Variants in MARCHF3 observed in about 807,000 individuals in gnomAD.
MARCHF3 encodes the protein E3 ubiquitin-protein ligase MARCHF3.
MARCHF3 carries 13 observed loss-of-function variants against 24.2 expected under a neutral mutation model. That is an observed-to-expected ratio of 0.54 (90% CI 0.35 to 0.85). The LOEUF is 0.85. Among genes scored for constraint, MARCHF3 ranks in the 40% least tolerant of loss-of-function variants. MARCHF3 has a pLI of 0.01. For missense variants in MARCHF3, 276 were observed against 325.0 expected, an observed-to-expected ratio of 0.85 and a Z score of 1.16; for synonymous variants, 144 against 137.3, an observed-to-expected ratio of 1.05 and a Z score of -0.34.
At chr5:126,874,757 T>C (rs1561772507) in intron 4 of MARCHF3, among the ~76,000 whole-genome samples, 1 of 152,122 alleles carries the variant, frequency 6.6e-6, no homozygotes, top group Non-Finnish European at 1.5e-5. Flanking sequence ...CTGACTGCAC[T>C]GGGGAAAAGG....
At chr5:126,930,299 T>G (rs574481050) in intron 1 of MARCHF3, among the ~76,000 whole-genome samples, 9 of 152,348 alleles carry the variant, frequency 5.9e-5, no homozygotes, top group African/African-American at 2.2e-4. Flanking sequence ...GATACAATCT[T>G]TCCTTAGGTC....
At chr5:126,975,349 TTC>T (rs936219277) in intron 1 of MARCHF3, among the ~76,000 whole-genome samples, 6 of 152,362 alleles carry the variant, frequency 3.9e-5, no homozygotes, top group African/African-American at 1.2e-4. Flanking sequence ...TTAAGTTTTC[TTC>T]TCTTTTTAAT....
intron 1 of MARCHF3, among the ~76,000 whole-genome samples, chr5:126,937,626 A>T (rs1360068132): frequency 6.6e-6 from 1 of 152,206 alleles, no homozygotes; most frequent in Non-Finnish European, 1.5e-5. Context: ...TAGCACCATA[A>T]GTTAGTGGAA....
intron 3 of MARCHF3, among the ~76,000 whole-genome samples, chr5:126,911,611 C>A (rs539766774): frequency 2.7e-4 from 41 of 152,266 alleles, no homozygotes; most frequent in African/African-American, 9.4e-4. Flanking sequence ...TAGATGATTG[C>A]AATGTAGTGC....
intron 3 of MARCHF3, among the ~76,000 whole-genome samples, chr5:126,882,728 C>A (rs1281150897): frequency 6.6e-6 from 1 of 152,158 alleles, no homozygotes; most frequent in Non-Finnish European, 1.5e-5. Context: ...ATATCAGGCA[C>A]CTCATGCTAA....
intron 3 of MARCHF3, among the ~76,000 whole-genome samples, chr5:126,909,110 G>T (rs1159476080): frequency 1.3e-5 from 2 of 152,194 alleles, no homozygotes; most frequent in Non-Finnish European, 2.9e-5. Flanking sequence ...CCTGCTGGGG[G>T]TGCCTCCCAG....
intron 4 of MARCHF3, among the ~76,000 whole-genome samples, chr5:126,876,430 T>G (rs769719441): frequency 4.6e-5 from 7 of 152,194 alleles, no homozygotes; most frequent in Non-Finnish European, 2.9e-5. Context: ...CCAGGGGAAT[T>G]TGGCAGGATG....
intron 3 of MARCHF3, among the ~76,000 whole-genome samples, chr5:126,908,149 C>T (rs1045424049): frequency 6.6e-6 from 1 of 152,088 alleles, no homozygotes; most frequent in African/African-American, 2.4e-5. Flanking sequence ...AATATTGGCC[C>T]CCACCCTCTT....
chr5:126,904,369 GA>G (rs1161963226), intron 3 of MARCHF3, among the ~76,000 whole-genome samples: 5 of 150,290 alleles, frequency 3.3e-5, no homozygotes, highest in Non-Finnish European at 7.4e-5. Flanking sequence ...TCTAGTTCTA[GA>G]TCTCTGAGGA....
chr5:126,915,751 C>T (rs1292852930), intron 2 of MARCHF3, among the ~76,000 whole-genome samples: 3 of 152,134 alleles, frequency 2.0e-5, no homozygotes, highest in African/African-American at 7.2e-5. Flanking sequence ...TGAGTATGTC[C>T]CACTGAGGTA....
At chr5:126,902,287 T>C (rs905904151) in intron 3 of MARCHF3, among the ~76,000 whole-genome samples, 4 of 152,132 alleles carry the variant, frequency 2.6e-5, no homozygotes, top group African/African-American at 9.7e-5. Context: ...TATAGTATTC[T>C]TTGTCCTCTT....
At chr5:126,918,311 G>T in intron 1 of MARCHF3, 84 bp from the exon 2 acceptor site, 1 of 827,678 alleles carries the variant, frequency 1.2e-6, no homozygotes, top group Non-Finnish European at 1.8e-6. Flanking sequence ...TCATCATCAT[G>T]TCATTATTTA....
At chr5:126,875,424 G>A (rs1456758157) in intron 4 of MARCHF3, among the ~76,000 whole-genome samples, 1 of 152,168 alleles carries the variant, frequency 6.6e-6, no homozygotes. Flanking sequence ...TTCCAGGAAC[G>A]GCTCCTCTGA....
chr5:126,936,152 A>G (rs1362517184), intron 1 of MARCHF3, among the ~76,000 whole-genome samples: 3 of 152,190 alleles, frequency 2.0e-5, no homozygotes, highest in African/African-American at 7.2e-5. Context: ...CACCTCCGGA[A>G]GAACAGTTTG....
At chr5:126,967,563 G>C (rs750183393) in intron 1 of MARCHF3, among the ~76,000 whole-genome samples, 1 of 152,022 alleles carries the variant, frequency 6.6e-6, no homozygotes, top group African/African-American at 2.4e-5. Flanking sequence ...CGTGGTGGCC[G>C]GCACCTGTAA....
intron 1 of MARCHF3, among the ~76,000 whole-genome samples, chr5:126,932,842 G>GCTAC (rs1749522599): frequency 6.6e-6 from 1 of 152,108 alleles, no homozygotes; most frequent in African/African-American, 2.4e-5. Flanking sequence ...GAATGAGGTA[G>GCTAC]CTACTCTGAA....
intron 1 of MARCHF3, among the ~76,000 whole-genome samples, chr5:126,930,341 C>T (rs561198232): frequency 8.5e-5 from 13 of 152,306 alleles, no homozygotes; most frequent in Admixed American, 5.9e-4. Context: ...TATATTTACC[C>T]GTCCCTCAGG....
chr5:127,000,505 G>A (rs1349556383), intron 1 of MARCHF3, among the ~76,000 whole-genome samples: 1 of 152,108 alleles, frequency 6.6e-6, no homozygotes, highest in Non-Finnish European at 1.5e-5. Flanking sequence ...GGAGTAACAA[G>A]TGGGACCAGG....
At chr5:126,911,747 TAA>T (rs1194690712) in intron 3 of MARCHF3, among the ~76,000 whole-genome samples, 1 of 151,994 alleles carries the variant, frequency 6.6e-6, no homozygotes, top group Non-Finnish European at 1.5e-5. Flanking sequence ...ATATTTAGGG[TAA>T]AAGAGACTAA....
Sources: gnomAD v4.1 joint callset for allele counts (sites outside exome capture counted in the v4.1 genomes callset) on GRCh38, gnomAD v4.1.1 for gene constraint, MANE v1.5 for transcripts, NCBI Gene and HGNC (gene_info 2026-07-23, HGNC 2026-07-21) for gene names.